PPP2R2D: variants seen among roughly 807,000 people sequenced by gnomAD.
PPP2R2D encodes protein phosphatase 2 regulatory subunit Bdelta, also known as serine/threonine-protein phosphatase 2A 55 kDa regulatory subunit B delta isoform.
In PPP2R2D, 9 loss-of-function variants were observed where a neutral mutation model predicts 31.1. The observed-to-expected ratio is 0.29, with a 90% confidence interval of 0.17 to 0.51. The LOEUF (loss-of-function observed/expected upper bound fraction) is 0.51. Ranked by LOEUF, PPP2R2D falls within the 20% of genes least tolerant of loss-of-function variation. PPP2R2D has a pLI of 0.98. For missense variants in PPP2R2D, 391 were observed against 465.6 expected (o/e 0.84, Z 1.48); for synonymous variants, 179 against 172.6 (o/e 1.04, Z -0.29).
chr10:131,962,095 T>C (rs925630882), downstream of PPP2R2D, among the ~76,000 whole-genome samples: 1 of 152,174 alleles, frequency 6.6e-6, no homozygotes, highest in African/African-American at 2.4e-5. Context: ...TGTATAAATA[T>C]CTCCAATCAG....
chr10:131,945,228 G>T lies in PPP2R2D; in HGVS notation c.656-67G>T. On this transcript the variant is annotated intron_variant, in intron 6 of 8. Coordinates refer to ENST00000455566, the MANE Select transcript of PPP2R2D (RefSeq NM_018461.5). This position sits in a 1 kb window ranked among gnomAD's most constrained non-coding sequence, Gnocchi z 4.8. ...TGGATTATTTGGCGTCCTATTTCGC[G>T]TGACTGAATGTAGACTAATTAACAA... The T allele has an allele frequency of 6.5e-7, 1 of 1,529,716 alleles. No homozygotes were observed. Among genetic ancestry groups the T allele is most frequent in the South Asian group, 1.2e-5 (1 of 80,634 alleles). 94.8% of individuals were successfully genotyped at this position (1,529,716 alleles called of 1,614,324 possible).
chr10:131,937,958 T>C (rs1248119486), intron 3 of PPP2R2D, among the ~76,000 whole-genome samples: 1 of 152,040 alleles, frequency 6.6e-6, no homozygotes, highest in Non-Finnish European at 1.5e-5. Context: ...GAGGCTTCGG[T>C]TGAAGGAATG....
Position 131,901,596 on chromosome 10 carries a change from C to T in PPP2R2D, c.100+266C>T, listed in dbSNP as rs1454421830. Among the ~76,000 whole-genome samples, 17 of 152,300 alleles carry T rather than the reference C, an allele frequency of 1.1e-4. 1 individual carries two copies. Among genetic ancestry groups the T allele is most frequent in the African/African-American group, 4.1e-4 (17 of 41,578 alleles). On this transcript the variant is annotated intron_variant, in intron 2 of 8. Transcript: ENST00000455566. ...CAAGGTCACGGGCGGCCGGGTCCTC[C>T]GAACCCAGCGCCTGGGGCTGCCTCC... is the stretch of plus-strand genomic sequence containing the variant.
intron 2 of PPP2R2D, among the ~76,000 whole-genome samples, chr10:131,911,222 A>G (rs1024759349): frequency 3.9e-5 from 6 of 152,134 alleles, no homozygotes; most frequent in Non-Finnish European, 8.8e-5. Context: ...CAGCATCAAG[A>G]TTTAATGGAA....
intron 3 of PPP2R2D, among the ~76,000 whole-genome samples, chr10:131,937,142 T>C (rs1678018993): frequency 6.6e-6 from 1 of 152,160 alleles, no homozygotes; most frequent in Admixed American, 6.6e-5. Flanking sequence ...CACCAGATTG[T>C]GGAAGGTGCA....
At chr10:131,944,629 G>A (rs2036502326) in intron 6 of PPP2R2D, among the ~76,000 whole-genome samples, 1 of 152,164 alleles carries the variant, frequency 6.6e-6, no homozygotes, top group South Asian at 2.1e-4. Context: ...CCGGGAGCAT[G>A]GGGCTTGCTT....
At chr10:131,915,141 A>G (rs1554892897) in intron 2 of PPP2R2D, among the ~76,000 whole-genome samples, 1 of 151,872 alleles carries the variant, frequency 6.6e-6, no homozygotes, top group Non-Finnish European at 1.5e-5. Flanking sequence ...ATGGCGAAGT[A>G]GTATCCCTAA....
At chr10:131,931,311 C>T (rs1047532406) in intron 2 of PPP2R2D, among the ~76,000 whole-genome samples, 4 of 152,160 alleles carry the variant, frequency 2.6e-5, no homozygotes, top group African/African-American at 4.8e-5. Flanking sequence ...CGGGCTTTCC[C>T]GTCTCTCTTT....
chr10:131,938,129 C>T (rs930626254), intron 3 of PPP2R2D, among the ~76,000 whole-genome samples: 17 of 152,150 alleles, frequency 1.1e-4, no homozygotes, highest in Non-Finnish European at 2.1e-4. Flanking sequence ...GTGGAGGCTT[C>T]GGTGGAAGGA....
At chr10:131,944,187 C>T in intron 6 of PPP2R2D, 42 bp downstream of exon 6, 1 of 1,519,446 alleles carries the variant, frequency 6.6e-7, no homozygotes, top group Non-Finnish European at 8.9e-7. Context: ...CCCGAGGGTG[C>T]TCTTTAGATA....
At chr10:131,905,482 G>A (rs2035567119) in intron 2 of PPP2R2D, among the ~76,000 whole-genome samples, 1 of 152,114 alleles carries the variant, frequency 6.6e-6, no homozygotes, top group Non-Finnish European at 1.5e-5. Context: ...TCTCTCTCTG[G>A]TAGACTGAGC....
chr10:131,943,888 C>T (rs1033088446), intron 5 of PPP2R2D, 80 bp from the exon 6 acceptor site: 60 of 685,982 alleles, frequency 8.7e-5, no homozygotes, highest in Non-Finnish European at 2.6e-5. Flanking sequence ...AACTTGTCCT[C>T]TTTCGTTATC....
chr10:131,906,218 G>T (rs1231711879), intron 2 of PPP2R2D, among the ~76,000 whole-genome samples: 2 of 152,292 alleles, frequency 1.3e-5, no homozygotes, highest in Non-Finnish European at 2.9e-5. Flanking sequence ...TGGAGAAACC[G>T]TGGGGAGGGG....
At position 131,933,797 on chromosome 10, in the gene PPP2R2D, G is replaced by A. The variant is rs375930415; in HGVS notation, c.101-661G>A. Among the ~76,000 whole-genome samples, 11 of 152,242 alleles carry A rather than the reference G, an allele frequency of 7.2e-5. No homozygotes were observed. In the East Asian group the frequency reaches 1.4e-3, roughly 19 times the overall value. On this transcript the variant is annotated intron_variant, in intron 2 of 8. Transcript: ENST00000455566. ...CACCTGAGGACTTTCTCACTGCTTA[G>A]TGGTGGTGTTCCTTCTGCCCCGGGG...
downstream of PPP2R2D, among the ~76,000 whole-genome samples, chr10:131,961,573 C>T (rs1466064107): frequency 4.6e-5 from 7 of 152,218 alleles, no homozygotes; most frequent in East Asian, 1.9e-4. Context: ...GTGCCCCATA[C>T]GCCCCTCAGA....
At chr10:131,931,605 C>A (rs1554895696) in intron 2 of PPP2R2D, among the ~76,000 whole-genome samples, 2 of 152,248 alleles carry the variant, frequency 1.3e-5, no homozygotes, top group African/African-American at 4.8e-5. Flanking sequence ...GCCTTGGCCT[C>A]CCAAAGTGCT....
downstream of PPP2R2D, among the ~76,000 whole-genome samples, chr10:131,963,044 A>G (rs1436990150): frequency 6.6e-6 from 1 of 152,162 alleles, no homozygotes; most frequent in Non-Finnish European, 1.5e-5. Context: ...GGACGCTTGT[A>G]ATCCCGGCTA....
At chr10:131,954,261 C>T (rs1272927187) in intron 8 of PPP2R2D, among the ~76,000 whole-genome samples, 1 of 152,232 alleles carries the variant, frequency 6.6e-6, no homozygotes, top group Non-Finnish European at 1.5e-5. Context: ...TTCGTTATTA[C>T]CATGCACCAG....
chr10:131,902,924 T>A (rs1488786984), intron 2 of PPP2R2D, among the ~76,000 whole-genome samples: 2 of 152,234 alleles, frequency 1.3e-5, no homozygotes, highest in East Asian at 3.9e-4. Context: ...ACCAGGCTAA[T>A]TTTTGTATTG....
Sources: gnomAD v4.1 joint callset for allele counts (sites outside exome capture counted in the v4.1 genomes callset) on GRCh38, gnomAD v4.1.1 for gene constraint, Gnocchi (gnomAD v3.1) non-coding constraint, MANE v1.5 for transcripts, NCBI Gene and HGNC (gene_info 2026-07-23, HGNC 2026-07-21) for gene names.